Variants in PCDH15 observed in about 807,000 individuals in gnomAD.
PCDH15 encodes protocadherin related 15, also known as protocadherin-15.
In PCDH15, 129 loss-of-function variants were observed where a neutral mutation model predicts 178.5. The observed-to-expected ratio is 0.72, with a 90% CI of 0.63 to 0.84. The LOEUF (loss-of-function observed/expected upper bound fraction) is 0.84, where lower values mean the gene tolerates loss of function less well. Ranked by LOEUF, PCDH15 falls within the 40% of genes least tolerant of loss-of-function variation. The probability of loss-of-function intolerance (pLI) is 0.00; values close to 1 mark genes in which losing one functional copy is unlikely to be tolerated. For missense variants in PCDH15, 2,230 were observed against 2,099.9 expected, an observed-to-expected ratio of 1.06 and a Z score of -1.21; for synonymous variants, 800 against 732.0, an observed-to-expected ratio of 1.09 and a Z score of -1.50.
intron 15 of PCDH15, among the ~76,000 whole-genome samples, chr10:54,101,161 T>C (rs1000796397): frequency 6.6e-6 from 1 of 152,176 alleles, no homozygotes; most frequent in African/African-American, 2.4e-5. Context: ...TGAAAAATGG[T>C]AGTTTCCCTG....
intron 2 of PCDH15, among the ~76,000 whole-genome samples, chr10:55,121,902 C>A (rs943376796): frequency 5.9e-5 from 9 of 152,092 alleles, no homozygotes; most frequent in African/African-American, 2.2e-4. Context: ...AGGCTCAGAG[C>A]TGTGAGAAAT....
intron 3 of PCDH15, among the ~76,000 whole-genome samples, chr10:54,873,742 G>T (rs1954083641): frequency 6.9e-6 from 1 of 145,760 alleles, no homozygotes; most frequent in South Asian, 2.1e-4. Context: ...ATATATGTAT[G>T]TATGTGTATA....
chr10:54,313,046 T>C (rs61853317), intron 8 of PCDH15, among the ~76,000 whole-genome samples: 31,171 of 152,032 alleles, frequency 0.21, 3,255 homozygotes, highest in Admixed American at 0.23. Context: ...AGGATCAAGA[T>C]TGATCATTCC....
chr10:54,988,463 T>G (rs1169685853), intron 2 of PCDH15, among the ~76,000 whole-genome samples: 4 of 152,164 alleles, frequency 2.6e-5, no homozygotes, highest in African/African-American at 7.2e-5. Flanking sequence ...ATTAAATGGC[T>G]TTGGCCAAAA....
chr10:54,070,187 C>T (rs922714592), intron 17 of PCDH15, among the ~76,000 whole-genome samples: 2 of 152,052 alleles, frequency 1.3e-5, no homozygotes, highest in Admixed American at 6.6e-5. Context: ...CTCAACAATG[C>T]AAGATATTTC....
intron 3 of PCDH15, among the ~76,000 whole-genome samples, chr10:54,410,375 G>A (rs1277273727): frequency 6.6e-6 from 1 of 152,070 alleles, no homozygotes; most frequent in Non-Finnish European, 1.5e-5. Context: ...AAAGATCATG[G>A]TTTTGAATTC....
intron 2 of PCDH15, among the ~76,000 whole-genome samples, chr10:54,528,157 G>A (rs2083540797): frequency 2.0e-5 from 3 of 151,982 alleles, no homozygotes; most frequent in African/African-American, 7.2e-5. Flanking sequence ...TCAGGACAGA[G>A]ATAATGGGAT....
At chr10:54,815,672 T>C (rs1952935508) in intron 3 of PCDH15, among the ~76,000 whole-genome samples, 1 of 152,062 alleles carries the variant, frequency 6.6e-6, no homozygotes, top group East Asian at 1.9e-4. Context: ...AAAGTGGCAC[T>C]AGTGATGCCG....
chr10:54,709,400 A>T (rs1442665505), intron 1 of PCDH15, among the ~76,000 whole-genome samples: 6 of 151,934 alleles, frequency 3.9e-5, no homozygotes, highest in African/African-American at 1.4e-4. Context: ...TTCCTTCAAA[A>T]GTTATACTGC....
chr10:55,162,894 G>C (rs1017773142), intron 2 of PCDH15, among the ~76,000 whole-genome samples: 1 of 152,100 alleles, frequency 6.6e-6, no homozygotes, highest in Admixed American at 6.6e-5. Context: ...CATTGTTCTA[G>C]AGGTTACAAG....
rs1476536165 is a variant in PCDH15 at position 54,198,666 on chromosome 10, T to G, written c.1099-2777A>C. On this transcript the variant is annotated intron_variant, in intron 10 of 37. Transcript: ENST00000644397. ...ACAGGCGCCCGCCACTACGCCCGGC[T>G]AATTTTTTGTATTTTTAGTAGAGAC... is the stretch of plus-strand genomic sequence containing the variant. Among the ~76,000 whole-genome samples the G allele has an allele frequency of 4.7e-4, 57 of 122,296 alleles. 5 individuals are homozygous for G. The highest frequency in any genetic ancestry group is 7.4e-4 in the Non-Finnish European group (47 of 63,272). The allele number at this position is 122,296 out of a possible 152,430, so 80.2% of individuals were successfully genotyped here. A position where few individuals can be genotyped will look rare whatever the true frequency, so the allele number is the denominator to read the frequency against.
At chr10:55,197,006 C>T (rs1840111453) in intron 1 of PCDH15, among the ~76,000 whole-genome samples, 1 of 151,858 alleles carries the variant, frequency 6.6e-6, no homozygotes, top group African/African-American at 2.4e-5. Context: ...AACTGTAATC[C>T]TTTTGTCACC....
At chr10:55,601,136 C>G (rs983760069) in intron 2 of PCDH15, among the ~76,000 whole-genome samples, 4 of 152,090 alleles carry the variant, frequency 2.6e-5, no homozygotes, top group African/African-American at 9.7e-5. Flanking sequence ...ACAGTTCCTC[C>G]TTCCAGAGAG....
chr10:53,879,177 T>C (rs2080506090), intron 26 of PCDH15, among the ~76,000 whole-genome samples: 1 of 152,146 alleles, frequency 6.6e-6, no homozygotes, highest in African/African-American at 2.4e-5. Flanking sequence ...CTATAAATTC[T>C]TTGGAAGCAG....
At chr10:54,605,219 T>G (rs1590434362) in intron 2 of PCDH15, among the ~76,000 whole-genome samples, 1 of 152,140 alleles carries the variant, frequency 6.6e-6, no homozygotes, top group South Asian at 2.1e-4. Context: ...CTCTATAAAT[T>G]TACCATTACC....
intron 2 of PCDH15, among the ~76,000 whole-genome samples, chr10:55,123,392 A>C (rs1837820685): frequency 6.6e-6 from 1 of 152,100 alleles, no homozygotes; most frequent in Non-Finnish European, 1.5e-5. Context: ...TTTTTTAATG[A>C]TACAGTGATA....
intron 14 of PCDH15, among the ~76,000 whole-genome samples, chr10:54,141,954 G>A (rs914360057): frequency 2.0e-5 from 3 of 152,130 alleles, no homozygotes; most frequent in African/African-American, 7.2e-5. Flanking sequence ...TAAGTGAAAT[G>A]AGATTGCTTA....
intron 2 of PCDH15, among the ~76,000 whole-genome samples, chr10:55,605,398 A>C (rs1186434196): frequency 6.6e-6 from 1 of 151,066 alleles, no homozygotes; most frequent in Admixed American, 6.6e-5. Context: ...TCATTTTATG[A>C]GGCCAGCATC....
At chr10:54,390,523 C>T (rs953804091) in intron 3 of PCDH15, among the ~76,000 whole-genome samples, 4 of 152,142 alleles carry the variant, frequency 2.6e-5, no homozygotes, top group African/African-American at 9.7e-5. Context: ...TCTCTATCTC[C>T]TGACCTCGTG....
Sources: allele counts gnomAD v4.1 joint callset (sites outside exome capture counted in the v4.1 genomes callset), GRCh38; gene constraint gnomAD v4.1.1; transcripts MANE v1.5; gene names NCBI Gene and HGNC (gene_info 2026-07-23, HGNC 2026-07-21).